FGF12: variants seen among roughly 807,000 people sequenced by gnomAD.
FGF12 encodes fibroblast growth factor 12B.
FGF12 carries 14 observed loss-of-function variants against 23.6 expected under a neutral mutation model. The observed-to-expected ratio is 0.59, with a 90% CI of 0.39 to 0.93. FGF12 has a LOEUF of 0.93. FGF12 is among the 40% of genes least tolerant of loss of function. FGF12 has a pLI of 0.00. For missense variants in FGF12, 175 were observed against 217.8 expected, an observed-to-expected ratio of 0.80 and a Z score of 1.24; for synonymous variants, 62 against 77.3, an observed-to-expected ratio of 0.80 and a Z score of 1.04.
chr3:192,579,812 C>G (rs1846958), intron 2 of FGF12, among the ~76,000 whole-genome samples: 34,428 of 152,040 alleles, frequency 0.23, 4,686 homozygotes, highest in East Asian at 0.34. Context: ...TCAGGTGGTC[C>G]GATCATCTCG....
At chr3:192,610,481 A>T (rs1412190964) in intron 2 of FGF12, among the ~76,000 whole-genome samples, 1 of 152,024 alleles carries the variant, frequency 6.6e-6, no homozygotes, top group East Asian at 1.9e-4. Context: ...GCCACTGTTT[A>T]TCTCCCGTTG....
chr3:192,368,276 A>T (rs1321852698), intron 2 of FGF12, among the ~76,000 whole-genome samples: 2 of 152,262 alleles, frequency 1.3e-5, no homozygotes, highest in Non-Finnish European at 2.9e-5. Context: ...CTCACCAATG[A>T]ATATAACTGA....
At chr3:192,554,318 G>C (rs909096279) in intron 2 of FGF12, among the ~76,000 whole-genome samples, 1 of 152,064 alleles carries the variant, frequency 6.6e-6, no homozygotes, top group East Asian at 1.9e-4. Flanking sequence ...CTGTGTCTTC[G>C]GACTTAGTGC....
chr3:192,604,746 A>C (rs1194051462), intron 2 of FGF12, among the ~76,000 whole-genome samples: 1 of 152,194 alleles, frequency 6.6e-6, no homozygotes, highest in Non-Finnish European at 1.5e-5. Context: ...CCTGAATAGC[A>C]AAAACAATCC....
intron 2 of FGF12, among the ~76,000 whole-genome samples, chr3:192,609,665 G>A (rs1186657902): frequency 6.6e-6 from 1 of 151,896 alleles, no homozygotes; most frequent in Admixed American, 6.6e-5. Context: ...CCAAGAACCC[G>A]TAAAATAGTT....
chr3:192,439,507 T>G (rs1405328085), intron 2 of FGF12, among the ~76,000 whole-genome samples: 3 of 152,192 alleles, frequency 2.0e-5, no homozygotes, highest in Non-Finnish European at 4.4e-5. Context: ...TACTTAGCAG[T>G]TTCCTTCTAT....
intron 4 of FGF12, among the ~76,000 whole-genome samples, chr3:192,209,226 C>A (rs1331445557): frequency 1.3e-5 from 2 of 152,144 alleles, no homozygotes; most frequent in Admixed American, 1.3e-4. Flanking sequence ...ATTGCCACTA[C>A]CACCACCACC....
chr3:192,434,151 G>A (rs1194480601), intron 2 of FGF12, among the ~76,000 whole-genome samples: 1 of 152,004 alleles, frequency 6.6e-6, no homozygotes, highest in East Asian at 1.9e-4. Context: ...TCTCACTTTT[G>A]CAAATAAAAA....
At chr3:192,534,202 G>A (rs779486768) in intron 2 of FGF12, 1 of 152,064 alleles carries the variant, frequency 6.6e-6, no homozygotes, top group Non-Finnish European at 1.5e-5. Context: ...AAAAGTATAA[G>A]CAGTATAGCT....
intron 2 of FGF12, among the ~76,000 whole-genome samples, chr3:192,572,185 C>T (rs1466475334): frequency 5.9e-5 from 9 of 152,120 alleles, no homozygotes; most frequent in Non-Finnish European, 1.2e-4. Context: ...TATTTCTTCT[C>T]GAAAGAGACT....
At chr3:192,306,261 G>A (rs1242452784) in intron 4 of FGF12, among the ~76,000 whole-genome samples, 1 of 152,058 alleles carries the variant, frequency 6.6e-6, no homozygotes, top group African/African-American at 2.4e-5. Flanking sequence ...ACAACAAGTT[G>A]GAAATTCTTA....
rs1713436772 is a variant in FGF12 at position 192,142,242 on chromosome 3, G to C, written c.*1767C>G. 1 of 152,444 alleles carries C rather than the reference G, an allele frequency of 6.6e-6. No homozygotes were observed. The allele number at this position is 152,444 out of a possible 1,614,324, so 9.4% of individuals were successfully genotyped here. A position where few individuals can be genotyped will look rare whatever the true frequency, so the allele number is the denominator to read the frequency against. ...CTAGATAACAGAAATAGGATACCTG[G>C]TGAAGGATATGGTCCACTATTGAAG... On this transcript the variant is annotated 3_prime_UTR_variant, in exon 6 of 6. Transcript: ENST00000445105.
chr3:192,381,305 A>G, intron 2 of FGF12, among the ~76,000 whole-genome samples: 1 of 152,192 alleles, frequency 6.6e-6, no homozygotes, highest in East Asian at 1.9e-4. Flanking sequence ...GACCACGTAC[A>G]TTCTGAAAAA....
chr3:192,459,664 T>C (rs540616638), intron 2 of FGF12, among the ~76,000 whole-genome samples: 8 of 152,196 alleles, frequency 5.3e-5, no homozygotes, highest in Non-Finnish European at 1.2e-4. Flanking sequence ...AGTGGATTAA[T>C]AATAGAATCA....
intron 2 of FGF12, among the ~76,000 whole-genome samples, chr3:192,689,500 T>C (rs1056680972): frequency 6.6e-6 from 1 of 151,814 alleles, no homozygotes; most frequent in African/African-American, 2.4e-5. Context: ...AACAGAAATT[T>C]TGGAGCTAAA....
chr3:192,451,944 T>C (rs73066301), intron 2 of FGF12, among the ~76,000 whole-genome samples: 7,229 of 152,252 alleles, frequency 0.047, 590 homozygotes, highest in African/African-American at 0.16. Context: ...TAAAGTAGAA[T>C]AGATAATTAT....
rs914585538 is a variant in FGF12 at position 192,408,786 on chromosome 3, G to C, written c.14-48248C>G. On this transcript the variant is annotated intron_variant, in intron 2 of 5. Coordinates refer to ENST00000445105, the MANE Select transcript of FGF12 (RefSeq NM_004113.6). This position sits in a 1 kb window ranked among gnomAD's most constrained non-coding sequence, Gnocchi z 7.3. ...AATAAAACGTTCCTTTAGAAAACAA[G>C]CCACCAACCGCACGAGAGAAGGAGA... 5.1e-6 allele frequency: 5 copies of C among 985,708 alleles called. No individual in the cohort carries two copies. In the African/African-American group the frequency reaches 7.0e-5, roughly 14 times the overall value. 61.1% of individuals were successfully genotyped at this position (985,708 alleles called of 1,614,324 possible).
chr3:192,361,438 C>T (rs1718723181), intron 2 of FGF12, among the ~76,000 whole-genome samples: 1 of 152,032 alleles, frequency 6.6e-6, no homozygotes, highest in South Asian at 2.1e-4. Context: ...GCCCTTATAG[C>T]TCTAATTATT....
At position 192,140,049 on chromosome 3, in the gene FGF12, T is replaced by C. The variant is rs1234416071; in HGVS notation, c.*3960A>G. The C allele has an allele frequency of 6.6e-6, 1 of 152,110 alleles. No homozygotes were observed. Among genetic ancestry groups the C allele is most frequent in the Non-Finnish European group, 1.5e-5 (1 of 67,944 alleles). The allele number at this position is 152,110 out of a possible 1,614,324, so 9.4% of individuals were successfully genotyped here. A position where few individuals can be genotyped will look rare whatever the true frequency, so the allele number is the denominator to read the frequency against. On this transcript the variant is annotated 3_prime_UTR_variant, in exon 6 of 6. Coordinates refer to ENST00000445105, the MANE Select transcript of FGF12 (RefSeq NM_004113.6). ...TGATTATTATTCCCACCTGTTTCTT[T>C]TTTATTATAAAGTGGCAATTTGTAC...
Sources: gnomAD v4.1 joint callset for allele counts (sites outside exome capture counted in the v4.1 genomes callset) on GRCh38, gnomAD v4.1.1 for gene constraint, Gnocchi (gnomAD v3.1) non-coding constraint, MANE v1.5 for transcripts, NCBI Gene and HGNC (gene_info 2026-07-23, HGNC 2026-07-21) for gene names.